Variants in GLIS3 observed in about 807,000 individuals in gnomAD.
GLIS3 encodes the protein zinc finger protein GLIS3.
A neutral mutation model predicts 78.6 loss-of-function variants in GLIS3; 53 were observed. The ratio of observed to expected loss-of-function variants is 0.67; its 90% CI spans 0.54 to 0.85. The LOEUF is 0.85. Ranked by LOEUF, GLIS3 falls within the 40% of genes least tolerant of loss-of-function variation. The pLI is 0.00. For synonymous variants in GLIS3, 684 were observed against 509.9 expected, an observed-to-expected ratio of 1.34 and a Z score of -4.60; for missense variants, 1,703 against 1,231.1, an observed-to-expected ratio of 1.38 and a Z score of -5.74.
chr9:4,405,309 G>A, the GLIS3 span, among the ~76,000 whole-genome samples: 1,614 of 151,268 alleles, frequency 0.011, 14 homozygotes, highest in Non-Finnish European at 0.018. Context: ...AGTCGAGATC[G>A]TGCCATTGCA....
At chr9:4,312,950 C>T (rs73386210) in intron 2 of GLIS3, among the ~76,000 whole-genome samples, 7,879 of 152,316 alleles carry the variant, frequency 0.052, 691 homozygotes, top group African/African-American at 0.18. Context: ...CATGCACACA[C>T]TGAGGTACAG....
At chr9:4,024,038 A>C (rs556574549) in intron 4 of GLIS3, among the ~76,000 whole-genome samples, 28 of 151,956 alleles carry the variant, frequency 1.8e-4, no homozygotes, top group East Asian at 9.7e-4. Context: ...AAAAAAACAA[A>C]AAAAAAAATA....
intron 2 of GLIS3, among the ~76,000 whole-genome samples, chr9:4,130,269 G>C (rs1196980032): frequency 6.6e-6 from 1 of 152,208 alleles, no homozygotes; most frequent in Non-Finnish European, 1.5e-5. Flanking sequence ...AAAGAAAAAA[G>C]CGTTTTCAGG....
chr9:3,840,751 C>T (rs534288067), intron 9 of GLIS3, among the ~76,000 whole-genome samples: 2 of 152,298 alleles, frequency 1.3e-5, no homozygotes, highest in African/African-American at 4.8e-5. Context: ...GAAAAGTCCA[C>T]GTGGTTCCAA....
chr9:4,100,269 C>G (rs1830266399), intron 4 of GLIS3, among the ~76,000 whole-genome samples: 1 of 152,172 alleles, frequency 6.6e-6, no homozygotes, highest in Admixed American at 6.5e-5. Flanking sequence ...CAGGGCTGAA[C>G]TGTTAAACCA....
chr9:3,927,542 A>G (rs1825336301), intron 6 of GLIS3, among the ~76,000 whole-genome samples: 1 of 152,228 alleles, frequency 6.6e-6, no homozygotes, highest in Admixed American at 6.5e-5. Flanking sequence ...AACAGCTTTA[A>G]GCACGAAATA....
At chr9:4,231,723 C>G (rs902040274) in intron 2 of GLIS3, among the ~76,000 whole-genome samples, 1 of 152,174 alleles carries the variant, frequency 6.6e-6, no homozygotes, top group Admixed American at 6.5e-5. Flanking sequence ...TTATGACCAA[C>G]TAAGTATTAT....
chr9:3,925,682 C>T (rs1180904615), intron 6 of GLIS3, among the ~76,000 whole-genome samples: 1 of 152,146 alleles, frequency 6.6e-6, no homozygotes, highest in Non-Finnish European at 1.5e-5. Context: ...GGGTAGGATC[C>T]AGCCACCCTC....
intron 4 of GLIS3, among the ~76,000 whole-genome samples, chr9:3,992,192 C>T (rs180785106): frequency 2.0e-5 from 3 of 152,238 alleles, no homozygotes; most frequent in Admixed American, 6.5e-5. Context: ...GGAGTAGTGG[C>T]ATTTATTTTC....
rs540787597 is a variant in GLIS3 at position 4,155,407 on chromosome 9, C to A, written c.389-29466G>T. ...TCAAGTAACTTTCCCAAGCTCGTGA[C>A]CTGGCCGTGGCGTAGATTCTTAGGC... On this transcript the variant is annotated intron_variant, in intron 2 of 10. Coordinates refer to ENST00000381971, the MANE Select transcript of GLIS3 (RefSeq NM_001042413.2). 2.0e-5 allele frequency among the ~76,000 whole-genome samples: 3 copies of A among 152,346 alleles called. No individual in the cohort carries two copies. In the South Asian group the frequency reaches 6.2e-4, roughly 32 times the overall value.
chr9:3,890,263 AAAC>A lies in GLIS3; in HGVS notation c.2128+8425_2128+8427del, dbSNP rs201262591. ...ATAAGGATACTTCTACTCTTCATGG[AAAC>A]AACAACAACAACAAAAGTCTAATTT... is the stretch of plus-strand genomic sequence containing the variant. On this transcript the variant is annotated intron_variant, in intron 7 of 10. Coordinates refer to ENST00000381971, the MANE Select transcript of GLIS3 (RefSeq NM_001042413.2). Among the ~76,000 whole-genome samples the A allele has an allele frequency of 4.5e-3, 686 of 152,276 alleles. 3 individuals are homozygous for A. The highest frequency in any genetic ancestry group is 7.4e-3 in the Non-Finnish European group (500 of 68,016).
chr9:3,942,202 A>G (rs2130811418), intron 4 of GLIS3, among the ~76,000 whole-genome samples: 1 of 152,328 alleles, frequency 6.6e-6, no homozygotes, highest in African/African-American at 2.4e-5. Flanking sequence ...CCAAACAGAA[A>G]GGAGTCTATG....
the GLIS3 span, among the ~76,000 whole-genome samples, chr9:4,408,879 G>A: frequency 1.3e-5 from 2 of 151,950 alleles, no homozygotes; most frequent in Non-Finnish European, 2.9e-5. Flanking sequence ...AAATGCTTGA[G>A]GAGATGGATA....
At chr9:4,064,740 G>A (rs1475153575) in intron 4 of GLIS3, among the ~76,000 whole-genome samples, 1 of 152,182 alleles carries the variant, frequency 6.6e-6, no homozygotes, top group African/African-American at 2.4e-5. Flanking sequence ...GTTGAAATGA[G>A]CTGAGACTGC....
intron 7 of GLIS3, among the ~76,000 whole-genome samples, chr9:3,881,157 A>G (rs1395844514): frequency 1.3e-5 from 2 of 152,150 alleles, no homozygotes; most frequent in Non-Finnish European, 2.9e-5. Context: ...GTTTGGATTG[A>G]CTGTGGCAAT....
chr9:4,345,574 A>T (rs1383672008), intron 2 of GLIS3, among the ~76,000 whole-genome samples: 1 of 152,316 alleles, frequency 6.6e-6, no homozygotes, highest in South Asian at 2.1e-4. Context: ...AGGAAGAAAC[A>T]GGTTCCATGT....
intron 6 of GLIS3, among the ~76,000 whole-genome samples, chr9:3,911,531 A>C (rs1381677130): frequency 6.6e-6 from 1 of 152,224 alleles, no homozygotes; most frequent in Non-Finnish European, 1.5e-5. Context: ...TATCTAAAAA[A>C]ATTGTCTCTA....
chr9:3,998,308 T>C (rs191773866), intron 4 of GLIS3, among the ~76,000 whole-genome samples: 1 of 152,276 alleles, frequency 6.6e-6, no homozygotes, highest in Admixed American at 6.5e-5. Context: ...TGAGGTGTCA[T>C]TCTCCAGACG....
At chr9:4,023,558 G>A (rs1012827384) in intron 4 of GLIS3, among the ~76,000 whole-genome samples, 16 of 152,218 alleles carry the variant, frequency 1.1e-4, no homozygotes, top group African/African-American at 3.6e-4. Context: ...TCCTTTTCGT[G>A]TTAAGAGACG....
Sources: gnomAD v4.1 joint callset for allele counts (sites outside exome capture counted in the v4.1 genomes callset) on GRCh38, gnomAD v4.1.1 for gene constraint, MANE v1.5 for transcripts, NCBI Gene and HGNC (gene_info 2026-07-23, HGNC 2026-07-21) for gene names.